The following SFMBT2 variants were observed in gnomAD, a reference collection of about 807,000 sequenced individuals.
SFMBT2 encodes the protein scm-like with four MBT domains protein 2.
Under a neutral mutation model 110.1 loss-of-function variants are expected in SFMBT2, and 38 were observed. The ratio of observed to expected loss-of-function variants is 0.35; its 90% CI spans 0.27 to 0.45. SFMBT2 has a LOEUF of 0.45. Among genes scored for constraint, SFMBT2 ranks in the 20% least tolerant of loss-of-function variants. The pLI is 1.00. For synonymous variants in SFMBT2, 425 were observed against 425.4 expected (o/e 1.00, Z 0.01); for missense variants, 1,011 against 1,094.9 (o/e 0.92, Z 1.08).
intron 9 of SFMBT2, among the ~76,000 whole-genome samples, chr10:7,229,531 G>T (rs1840048604): frequency 6.9e-6 from 1 of 144,716 alleles, no homozygotes; most frequent in Non-Finnish European, 1.5e-5. Context: ...TGAGGTGGAG[G>T]TTGCAGTGAG....
chr10:7,345,590 C>A (rs367841504), intron 4 of SFMBT2, among the ~76,000 whole-genome samples: 8 of 152,138 alleles, frequency 5.3e-5, no homozygotes, highest in African/African-American at 1.9e-4. Flanking sequence ...AACTCCTGAC[C>A]TCGTGATCTA....
chr10:7,401,818 T>C (rs1846090420), intron 1 of SFMBT2, among the ~76,000 whole-genome samples: 1 of 152,226 alleles, frequency 6.6e-6, no homozygotes, highest in Non-Finnish European at 1.5e-5. Context: ...TTCTATGCCC[T>C]TGACTTTTTC....
rs187627104 is a variant in SFMBT2, at chr10:7,292,687, T to C, written c.437-6733A>G. ...TTTCAGTTGTAAAAATACACTTCTA[T>C]GATTAAGAAAAGAAATAGTATCATT... On this transcript the variant is annotated intron_variant, in intron 4 of 20. Coordinates refer to ENST00000397167, the MANE Select transcript of SFMBT2 (RefSeq NM_001387889.1). 1.2e-3 allele frequency among the ~76,000 whole-genome samples: 176 copies of C among 152,290 alleles called. 2 individuals are homozygous for C. Among genetic ancestry groups the C allele is most frequent in the Non-Finnish European group, 8.8e-4 (60 of 68,016 alleles).
intron 4 of SFMBT2, among the ~76,000 whole-genome samples, chr10:7,360,554 A>G (rs944186085): frequency 1.2e-4 from 18 of 151,646 alleles, no homozygotes; most frequent in African/African-American, 3.1e-4. Flanking sequence ...TTCTGGGGGG[A>G]AAAAAAAACT....
rs541766245 is a variant in SFMBT2 at position 7,178,668 on chromosome 10, G to T, written c.1809-2503C>A. ...ACTTTTAAGAAAAAAACTTTCTCCT[G>T]CCCCAAGAAAAACCGCAGGTAATGA... On this transcript the variant is annotated intron_variant, in intron 16 of 20. Coordinates refer to ENST00000397167, the MANE Select transcript of SFMBT2 (RefSeq NM_001387889.1). Among the ~76,000 whole-genome samples, 34 of 152,190 alleles carry T rather than the reference G, an allele frequency of 2.2e-4. No homozygotes were observed. In the South Asian group the frequency reaches 6.8e-3, roughly 31 times the overall value.
chr10:7,192,256 C>A (rs1588786075), intron 15 of SFMBT2, among the ~76,000 whole-genome samples: 1 of 152,240 alleles, frequency 6.6e-6, no homozygotes, highest in South Asian at 2.1e-4. Flanking sequence ...ATTCCGAGGA[C>A]TGACTTCGCT....
chr10:7,322,173 T>C (rs1191472263), intron 4 of SFMBT2, among the ~76,000 whole-genome samples: 1 of 152,236 alleles, frequency 6.6e-6, no homozygotes, highest in Non-Finnish European at 1.5e-5. Context: ...TCTGTTCTAC[T>C]GATGGTGAAT....
chr10:7,352,965 G>A (rs1482191472), intron 4 of SFMBT2, among the ~76,000 whole-genome samples: 13 of 152,010 alleles, frequency 8.6e-5, no homozygotes, highest in East Asian at 3.9e-4. Context: ...AGCCGAGATC[G>A]TGCCACTACA....
chr10:7,198,122 A>G, intron 14 of SFMBT2: 1 of 985,418 alleles, frequency 1.0e-6, no homozygotes, highest in Non-Finnish European at 1.2e-6. Context: ...TGTGCCTACA[A>G]ACAATATATG....
At chr10:7,318,012 C>T (rs1397142998) in intron 4 of SFMBT2, among the ~76,000 whole-genome samples, 1 of 152,190 alleles carries the variant, frequency 6.6e-6, no homozygotes, top group African/African-American at 2.4e-5. Flanking sequence ...AGATATGCAC[C>T]ATCTTAAGGA....
chr10:7,207,717 A>C (rs988619783), intron 11 of SFMBT2: 22 of 551,274 alleles, frequency 4.0e-5, no homozygotes, highest in Non-Finnish European at 5.1e-5. Flanking sequence ...ATCTGGTGCG[A>C]GCTCCACCGG....
intron 7 of SFMBT2, among the ~76,000 whole-genome samples, chr10:7,253,840 A>AC (rs974325369): frequency 5.3e-5 from 8 of 152,038 alleles, no homozygotes; most frequent in African/African-American, 1.9e-4. Context: ...AAAAAAAAAA[A>AC]AAATCCCTCT....
intron 2 of SFMBT2, among the ~76,000 whole-genome samples, chr10:7,376,040 C>G (rs1323640195): frequency 6.6e-6 from 1 of 152,218 alleles, no homozygotes; most frequent in Non-Finnish European, 1.5e-5. Flanking sequence ...CTGAGGCTCA[C>G]CCTGTCTAAA....
In SFMBT2 at chr10:7,170,800, G is replaced by A. The variant is rs560321636; in HGVS notation, c.2544+128C>T. 15 of 1,107,804 alleles carry A rather than the reference G, an allele frequency of 1.4e-5. No homozygotes were observed. The highest frequency in any genetic ancestry group is 1.1e-4 in the African/African-American group (7 of 65,124). The allele number at this position is 1,107,804 out of a possible 1,614,324, so 68.6% of individuals were successfully genotyped here. A position where few individuals can be genotyped will look rare whatever the true frequency, so the allele number is the denominator to read the frequency against. Reference sequence around the variant, plus strand: ...GGGGCCTTGGAGGGAGAAGGGTCTCGCACACCTGCCGAGCAGCGCCGAAGA... The same window carrying A: ...GGGGCCTTGGAGGGAGAAGGGTCTCACACACCTGCCGAGCAGCGCCGAAGA... On this transcript the variant is annotated intron_variant, in intron 20 of 20. Transcript: ENST00000397167. This position sits in a 1 kb window ranked among gnomAD's most constrained non-coding sequence, Gnocchi z 4.6.
chr10:7,218,685 C>T (rs1288774720), intron 11 of SFMBT2, among the ~76,000 whole-genome samples: 1 of 152,094 alleles, frequency 6.6e-6, no homozygotes, highest in African/African-American at 2.4e-5. Context: ...GCTAGAAAAT[C>T]AAAAATCTGT....
chr10:7,367,654 G>T lies in SFMBT2; in HGVS notation c.431C>A (p.Pro144Gln), dbSNP rs774566967. 2 of 1,608,476 alleles carry T rather than the reference G, an allele frequency of 1.2e-6. No homozygotes were observed. Among genetic ancestry groups the T allele is most frequent in the Non-Finnish European group, 1.7e-6 (2 of 1,176,236 alleles). ...CCTTTGAAACAGGGGCTCACCGTCC[G>T]GCGGCATCAACACCTTGTTGTTCTG... ...CTQNNKVLMP[P>Q]DAIKEKYTDW... Residue 144 changes from proline (P) to glutamine (Q), a missense_variant, in exon 4 of 21, where the codon CCG becomes CAG. Pro to Gln is a moderately conservative substitution (Grantham distance 76). Coordinates refer to ENST00000397167, the MANE Select transcript of SFMBT2 (RefSeq NM_001387889.1). This position sits in a 1 kb window ranked among gnomAD's most constrained non-coding sequence, Gnocchi z 6.2.
At chr10:7,203,459 C>G (rs887119644) in intron 12 of SFMBT2, 1 of 233,424 alleles carries the variant, frequency 4.3e-6, no homozygotes, top group East Asian at 1.8e-4. Flanking sequence ...CCAAGCACAA[C>G]AGACAGATCC....
chr10:7,244,546 A>G (rs912799871), intron 8 of SFMBT2, among the ~76,000 whole-genome samples: 2 of 152,366 alleles, frequency 1.3e-5, no homozygotes, highest in African/African-American at 4.8e-5. Flanking sequence ...AAGAAGAAAC[A>G]TCAATGAAGA....
rs1389810560 is a variant in SFMBT2 at position 7,381,861 on chromosome 10, G to C, written c.38C>G (p.Pro13Arg). Residue 13 changes from proline to arginine, a missense_variant, in exon 2 of 21, where the codon CCT (proline) becomes CGT (arginine). This residue lies in a region of SFMBT2 where 979 missense variants were observed against 1,016.1 expected (regional missense o/e 0.96). Transcript: ENST00000397167. ...STLSASNMQD[P>R]SSSPLEKCLG... Reference sequence around the variant, plus strand: ...ACACTTTTCCAAGGGTGAAGATGAAGGGTCTTGCATATTGGAAGCTGACAA... The same window carrying C: ...ACACTTTTCCAAGGGTGAAGATGAACGGTCTTGCATATTGGAAGCTGACAA... 3 of 1,613,426 alleles carry C rather than the reference G, an allele frequency of 1.9e-6. No homozygotes were observed. Among genetic ancestry groups the C allele is most frequent in the Non-Finnish European group, 2.5e-6 (3 of 1,179,710 alleles).
Sources: allele counts gnomAD v4.1 joint callset (sites outside exome capture counted in the v4.1 genomes callset), GRCh38; gene constraint gnomAD v4.1.1; regional missense constraint gnomAD v4.1.1; non-coding constraint Gnocchi (gnomAD v3.1); transcripts MANE v1.5; gene names NCBI Gene and HGNC (gene_info 2026-07-23, HGNC 2026-07-21).